Variants in PCDHGA1 observed in about 807,000 individuals in gnomAD.
The protein encoded by PCDHGA1 is protocadherin gamma-A1.
Under a neutral mutation model 58.0 loss-of-function variants are expected in PCDHGA1, and 32 were observed. The ratio of observed to expected loss-of-function variants is 0.55; its 90% CI spans 0.42 to 0.74. The LOEUF is 0.74. Among genes scored for constraint, PCDHGA1 ranks in the 30% least tolerant of loss-of-function variants. PCDHGA1 has a pLI of 0.00. For missense variants in PCDHGA1, 1,205 were observed against 1,182.3 expected, an observed-to-expected ratio of 1.02 and a Z score of -0.28; for synonymous variants, 498 against 501.1, an observed-to-expected ratio of 0.99 and a Z score of 0.08.
chr5:141,410,560 A>G (rs769354927), intron 1 of PCDHGA1: 3 of 1,612,824 alleles, frequency 1.9e-6, no homozygotes, highest in African/African-American at 1.3e-5. Flanking sequence ...TTTCTCCTGG[A>G]GCCTTAATTC....
chr5:141,349,818 A>C (rs1256328285), intron 1 of PCDHGA1, among the ~76,000 whole-genome samples: 1 of 152,218 alleles, frequency 6.6e-6, no homozygotes, highest in East Asian at 1.9e-4. Context: ...AAACTGAAAA[A>C]AATGGCAGTG....
At chr5:141,399,192 C>T (rs1561668217) in intron 1 of PCDHGA1, 1 of 1,613,846 alleles carries the variant, frequency 6.2e-7, no homozygotes, top group Non-Finnish European at 8.5e-7. Flanking sequence ...TTCTGGAAAA[C>T]GCGGTGCCTG....
At chr5:141,501,409 A>G (rs1358547245) in intron 2 of PCDHGA1, among the ~76,000 whole-genome samples, 1 of 151,978 alleles carries the variant, frequency 6.6e-6, no homozygotes, top group African/African-American at 2.4e-5. Context: ...ACTGCTTGGA[A>G]AATAGTTGAC....
At chr5:141,351,190 A>G in intron 1 of PCDHGA1, 1 of 1,614,060 alleles carries the variant, frequency 6.2e-7, no homozygotes, top group Non-Finnish European at 8.5e-7. Flanking sequence ...AGACAAGTAG[A>G]TATGTGTTGA....
intron 2 of PCDHGA1, 160 bp from the exon 3 acceptor site, chr5:141,505,233 C>T: frequency 1.1e-6 from 1 of 872,838 alleles, no homozygotes; most frequent in Non-Finnish European, 1.4e-6. Context: ...ATTCTGGCTT[C>T]TGAAGGATTG....
rs1024041994 is a variant in PCDHGA1 at position 141,409,578 on chromosome 5, T to C, written c.2421+76473T>C. The C allele has an allele frequency of 3.1e-6, 5 of 1,613,824 alleles. No individual in the cohort carries two copies. In the Admixed American group the frequency reaches 6.7e-5, roughly 22 times the overall value. On this transcript the variant is annotated intron_variant, in intron 1 of 3. Coordinates refer to ENST00000517417, the MANE Select transcript of PCDHGA1 (RefSeq NM_018912.3). Reference sequence around the variant, plus strand: ...GTTTTCGACCAGACGTCCTACGTGGTCCACGTGGCCGAGAACAACCCGCCA... The same window carrying C: ...GTTTTCGACCAGACGTCCTACGTGGCCCACGTGGCCGAGAACAACCCGCCA...
chr5:141,401,083 C>T (rs2094110284), intron 1 of PCDHGA1, among the ~76,000 whole-genome samples: 1 of 152,176 alleles, frequency 6.6e-6, no homozygotes, highest in Admixed American at 6.5e-5. Context: ...GTGGCTCATG[C>T]CTGTAATCCC....
intron 1 of PCDHGA1, chr5:141,364,204 A>G (rs1763216193): frequency 8.7e-7 from 1 of 1,155,836 alleles, no homozygotes; most frequent in Non-Finnish European, 1.2e-6. Context: ...CAGACCAGAC[A>G]AGCTCCTACG....
Position 141,334,061 on chromosome 5 carries a change from G to T in PCDHGA1, c.2421+956G>T, listed in dbSNP as rs555529035. 6.6e-6 allele frequency: 1 copy of T among 152,294 alleles called. No homozygotes were observed. Among genetic ancestry groups the T allele is most frequent in the South Asian group, 2.1e-4 (1 of 4,820 alleles). The allele number at this position is 152,294 out of a possible 1,614,324, so 9.4% of individuals were successfully genotyped here. A position where few individuals can be genotyped will look rare whatever the true frequency, so the allele number is the denominator to read the frequency against. On this transcript the variant is annotated intron_variant, in intron 1 of 3. Transcript: ENST00000517417. The surrounding 1 kb of genome is among the most constrained non-coding windows in gnomAD (Gnocchi z 4.6). The stretch of plus-strand genomic sequence containing the variant: ...AAGTATGGTCGGGGAGTAAGTCCAT[G>T]CTTTGATGTATTTACTCTGCTCCAA...
intron 1 of PCDHGA1, chr5:141,388,882 T>C (rs1038312572): frequency 6.2e-7 from 1 of 1,613,800 alleles, no homozygotes; most frequent in Non-Finnish European, 8.5e-7. Context: ...ACAGTGGAGG[T>C]AGAAGTCATA....
chr5:141,436,051 A>G (rs2097793554), intron 1 of PCDHGA1, among the ~76,000 whole-genome samples: 1 of 152,194 alleles, frequency 6.6e-6, no homozygotes, highest in Admixed American at 6.5e-5. Flanking sequence ...ATTAGTTTTC[A>G]AATAGAATTT....
intron 1 of PCDHGA1, chr5:141,426,336 C>T (rs779025306): frequency 1.7e-4 from 31 of 187,682 alleles, no homozygotes; most frequent in Non-Finnish European, 2.8e-4. Context: ...GGCAAGCACT[C>T]TTCCCTTTCC....
intron 1 of PCDHGA1, chr5:141,342,055 T>C (rs1407728438): frequency 6.6e-6 from 1 of 152,646 alleles, no homozygotes; most frequent in African/African-American, 2.4e-5. Flanking sequence ...AAGAAGTGAC[T>C]GACTTATCAT....
intron 2 of PCDHGA1, among the ~76,000 whole-genome samples, chr5:141,503,800 C>T (rs756250566): frequency 1.3e-5 from 2 of 151,994 alleles, no homozygotes; most frequent in South Asian, 2.1e-4. Flanking sequence ...TACTTAGGGA[C>T]GGGGAATCCC....
Position 141,487,532 on chromosome 5 carries a change from A to C in PCDHGA1, c.2422-7275A>C. 6.2e-7 allele frequency: 1 copy of C among 1,614,158 alleles called. No homozygotes were observed. Among genetic ancestry groups the C allele is most frequent in the Non-Finnish European group, 8.5e-7 (1 of 1,180,022 alleles). On this transcript the variant is annotated intron_variant, in intron 1 of 3. Transcript: ENST00000517417. This position sits in a 1 kb window ranked among gnomAD's most constrained non-coding sequence, Gnocchi z 5.0. Reference sequence around the variant, plus strand: ...ACCCACTCGGAGTGATAGCTTCATGATGGTGAAGTCACCCAGTGCACCTAT... The same window carrying C: ...ACCCACTCGGAGTGATAGCTTCATGCTGGTGAAGTCACCCAGTGCACCTAT...
At chr5:141,340,555 G>C (rs1756957734) in intron 1 of PCDHGA1, 9 of 1,614,250 alleles carry the variant, frequency 5.6e-6, no homozygotes, top group Non-Finnish European at 7.6e-6. Flanking sequence ...TGCGAGACTT[G>C]CAAGTGTGGG....
chr5:141,400,011 G>A (rs200842238), intron 1 of PCDHGA1: 35 of 1,612,624 alleles, frequency 2.2e-5, no homozygotes, highest in African/African-American at 4.0e-5. Context: ...CGCGTGCCTT[G>A]GGCGACAGGG....
chr5:141,489,287 T>C lies in PCDHGA1; in HGVS notation c.2422-5520T>C. 1 of 1,573,410 alleles carries C rather than the reference T, an allele frequency of 6.4e-7. No individual in the cohort carries two copies. Among genetic ancestry groups the C allele is most frequent in the Non-Finnish European group, 8.6e-7 (1 of 1,159,858 alleles). ...CAGCTCGCTGGGAAATGGCAAGTGC[T>C]GTGCATGTTGTCCTTGTGCTGCTGG... On this transcript the variant is annotated intron_variant, in intron 1 of 3. Transcript: ENST00000517417. The surrounding 1 kb of genome is among the most constrained non-coding windows in gnomAD (Gnocchi z 4.5).
Position 141,431,054 on chromosome 5 carries a change from G to A in PCDHGA1, c.2422-63753G>A, listed in dbSNP as rs532584174. 1 of 1,614,198 alleles carries A rather than the reference G, an allele frequency of 6.2e-7. No individual in the cohort carries two copies. Among genetic ancestry groups the A allele is most frequent in the African/African-American group, 1.3e-5 (1 of 75,076 alleles). ...AGACCGGGAGGAGCTCTGTATGGGG[G>A]CCATCAAGTGTCAATTAAATCTAGA... On this transcript the variant is annotated intron_variant, in intron 1 of 3. Transcript: ENST00000517417. This position sits in a 1 kb window ranked among gnomAD's most constrained non-coding sequence, Gnocchi z 4.8.
Sources: gnomAD v4.1 joint callset for allele counts (sites outside exome capture counted in the v4.1 genomes callset) on GRCh38, gnomAD v4.1.1 for gene constraint, Gnocchi (gnomAD v3.1) non-coding constraint, MANE v1.5 for transcripts, NCBI Gene and HGNC (gene_info 2026-07-23, HGNC 2026-07-21) for gene names.